SLC35F1: variants seen among roughly 807,000 people sequenced by gnomAD.
The protein encoded by SLC35F1 is solute carrier family 35 member F1.
SLC35F1 carries 14 observed loss-of-function variants against 48.7 expected under a neutral mutation model. That is an observed-to-expected ratio of 0.29 (90% CI 0.19 to 0.45). The LOEUF is 0.45. Ranked by LOEUF, SLC35F1 falls within the 20% of genes least tolerant of loss-of-function variation. The pLI is 1.00. For missense variants in SLC35F1, 404 were observed against 500.0 expected (o/e 0.81, Z 1.83); for synonymous variants, 190 against 202.2 (o/e 0.94, Z 0.51).
At chr6:118,233,874 G>A (rs960306400) in intron 2 of SLC35F1, among the ~76,000 whole-genome samples, 2 of 152,240 alleles carry the variant, frequency 1.3e-5, no homozygotes, top group Admixed American at 6.5e-5. Context: ...GCTATGAGAA[G>A]TGTGGCTTGG....
chr6:118,240,822 G>C (rs1197524996), intron 3 of SLC35F1, among the ~76,000 whole-genome samples: 1 of 152,158 alleles, frequency 6.6e-6, no homozygotes, highest in African/African-American at 2.4e-5. Context: ...CAAGGATGAG[G>C]TTCCGAGCAG....
At chr6:117,913,991 C>G (rs1415994739) in intron 1 of SLC35F1, among the ~76,000 whole-genome samples, 1 of 152,070 alleles carries the variant, frequency 6.6e-6, no homozygotes, top group African/African-American at 2.4e-5. Flanking sequence ...GCAGATGTTG[C>G]AGTGAGCCAA....
At chr6:117,955,659 T>A (rs1776418857) in intron 1 of SLC35F1, among the ~76,000 whole-genome samples, 1 of 152,104 alleles carries the variant, frequency 6.6e-6, no homozygotes. Flanking sequence ...AGAAAATAAG[T>A]TAGAATAATC....
At chr6:118,073,803 C>T (rs7746741) in intron 1 of SLC35F1, among the ~76,000 whole-genome samples, 6,003 of 152,042 alleles carry the variant, frequency 0.039, 185 homozygotes, top group African/African-American at 0.08. Flanking sequence ...TACCATTTAC[C>T]ACCTACTGAT....
chr6:118,247,694 C>T (rs1211740359), intron 3 of SLC35F1, among the ~76,000 whole-genome samples: 3 of 147,610 alleles, frequency 2.0e-5, no homozygotes, highest in East Asian at 3.8e-4. Context: ...TCCAGTATTA[C>T]ACCACACACA....
intron 3 of SLC35F1, 85 bp from the exon 4 acceptor site, chr6:118,266,910 T>G: frequency 1.3e-6 from 2 of 1,486,412 alleles, no homozygotes; most frequent in East Asian, 2.3e-5. Context: ...GAACCCTTTC[T>G]GCAGAACTAA....
chr6:118,105,975 C>T (rs1773322226), intron 1 of SLC35F1, among the ~76,000 whole-genome samples: 1 of 152,176 alleles, frequency 6.6e-6, no homozygotes, highest in African/African-American at 2.4e-5. Flanking sequence ...TCCCAGACTG[C>T]ACAATAAATA....
At position 118,162,753 on chromosome 6, in the gene SLC35F1, C is replaced by T. The variant is rs115697080; in HGVS notation, c.349+8133C>T. 1.3e-3 allele frequency among the ~76,000 whole-genome samples: 197 copies of T among 152,204 alleles called. 1 individual carries two copies. The highest frequency in any genetic ancestry group is 4.7e-3 in the African/African-American group (195 of 41,524). On this transcript the variant is annotated intron_variant, in intron 2 of 7. Coordinates refer to ENST00000360388, the MANE Select transcript of SLC35F1 (RefSeq NM_001029858.4). ...GAATACTGCTTCCCAAAAATTGTAC[C>T]TGCATCAAGGAACTTGCTAGTGTTA...
intron 7 of SLC35F1, among the ~76,000 whole-genome samples, chr6:118,305,268 C>T: frequency 6.6e-6 from 1 of 151,244 alleles, no homozygotes; most frequent in Non-Finnish European, 1.5e-5. Context: ...TCTTTTTTTT[C>T]AAGACCTTCA....
intron 3 of SLC35F1, among the ~76,000 whole-genome samples, chr6:118,260,717 C>T (rs1386579680): frequency 2.6e-5 from 4 of 152,136 alleles, no homozygotes; most frequent in African/African-American, 7.2e-5. Flanking sequence ...TTGGTAAATG[C>T]CCAGTAAATG....
intron 1 of SLC35F1, among the ~76,000 whole-genome samples, chr6:117,954,511 C>A (rs977885481): frequency 2.0e-5 from 3 of 152,166 alleles, no homozygotes; most frequent in African/African-American, 7.2e-5. Context: ...CACCTGTCTC[C>A]ATCTCCCAAA....
chr6:118,066,740 C>CTTTTTTTTT (rs778659612), intron 1 of SLC35F1, among the ~76,000 whole-genome samples: 3 of 125,140 alleles, frequency 2.4e-5, no homozygotes, highest in Non-Finnish European at 5.1e-5. Context: ...GGCAGTAGTT[C>CTTTTTTTTT]TTTTTTTTTT....
chr6:117,983,627 G>C (rs993582182), intron 1 of SLC35F1, among the ~76,000 whole-genome samples: 4 of 152,094 alleles, frequency 2.6e-5, no homozygotes, highest in Non-Finnish European at 5.9e-5. Flanking sequence ...GTAAATCTAT[G>C]CCATGTTTTT....
At chr6:118,284,510 A>G (rs1045849779) in intron 6 of SLC35F1, among the ~76,000 whole-genome samples, 1 of 152,206 alleles carries the variant, frequency 6.6e-6, no homozygotes, top group African/African-American at 2.4e-5. Context: ...TAGTATTTTA[A>G]GGTCATGAAA....
chr6:118,202,979 A>G (rs917843789), intron 2 of SLC35F1, among the ~76,000 whole-genome samples: 5 of 152,360 alleles, frequency 3.3e-5, no homozygotes, highest in Non-Finnish European at 7.3e-5. Flanking sequence ...CAAATTGTGC[A>G]TAAGAACCAA....
intron 1 of SLC35F1, among the ~76,000 whole-genome samples, chr6:117,987,973 C>T (rs1231970750): frequency 6.6e-6 from 1 of 152,122 alleles, no homozygotes; most frequent in Non-Finnish European, 1.5e-5. Flanking sequence ...TAGAGCCCAA[C>T]AGCGGTGGGC....
chr6:118,310,151 C>T (rs1319290804), intron 7 of SLC35F1, among the ~76,000 whole-genome samples: 1 of 152,184 alleles, frequency 6.6e-6, no homozygotes, highest in Admixed American at 6.6e-5. Context: ...CTGATGGCTA[C>T]AGTTTGCAAA....
chr6:118,311,525 C>T (rs1232295709), intron 7 of SLC35F1, among the ~76,000 whole-genome samples: 1 of 152,232 alleles, frequency 6.6e-6, no homozygotes, highest in Non-Finnish European at 1.5e-5. Context: ...CGCGATGGCC[C>T]ACGCCTGTAA....
intron 1 of SLC35F1, among the ~76,000 whole-genome samples, chr6:118,037,242 T>C (rs1772147653): frequency 6.6e-6 from 1 of 152,230 alleles, no homozygotes; most frequent in Non-Finnish European, 1.5e-5. Flanking sequence ...AAAGTGTATC[T>C]TTTTAAGACA....
Sources: gnomAD v4.1 joint callset for allele counts (sites outside exome capture counted in the v4.1 genomes callset) on GRCh38, gnomAD v4.1.1 for gene constraint, MANE v1.5 for transcripts, NCBI Gene and HGNC (gene_info 2026-07-23, HGNC 2026-07-21) for gene names.